The following ATP11A variants were observed in gnomAD, a reference collection of about 807,000 sequenced individuals.
ATP11A encodes phospholipid-transporting ATPase IH.
ATP11A carries 81 observed loss-of-function variants against 154.4 expected under a neutral mutation model. The observed-to-expected ratio is 0.52, with a 90% CI of 0.44 to 0.63. ATP11A has a LOEUF of 0.63. ATP11A is among the 30% of genes least tolerant of loss of function. The pLI is 0.00. For missense variants in ATP11A, 1,316 were observed against 1,474.3 expected (o/e 0.89, Z 1.76); for synonymous variants, 623 against 585.9 (o/e 1.06, Z -0.91).
chr13:112,745,662 A>G (rs1347314031), intron 1 of ATP11A: 1 of 152,228 alleles, frequency 6.6e-6, no homozygotes, highest in Non-Finnish European at 1.5e-5. Flanking sequence ...AGGAAAGCCA[A>G]AAAAACAAAA....
At chr13:112,846,961 T>C (rs1001798076) in intron 17 of ATP11A, among the ~76,000 whole-genome samples, 1 of 152,190 alleles carries the variant, frequency 6.6e-6, no homozygotes, top group Non-Finnish European at 1.5e-5. Flanking sequence ...AATGGCTTGT[T>C]GCTGGCCTCC....
At chr13:112,717,114 C>T (rs1888556153) in intron 1 of ATP11A, among the ~76,000 whole-genome samples, 1 of 152,158 alleles carries the variant, frequency 6.6e-6, no homozygotes, top group Non-Finnish European at 1.5e-5. Flanking sequence ...AAAGAGAAGC[C>T]AGGAGGAGAG....
intron 17 of ATP11A, among the ~76,000 whole-genome samples, chr13:112,846,690 T>C (rs1196525256): frequency 1.3e-5 from 2 of 152,212 alleles, no homozygotes; most frequent in African/African-American, 4.8e-5. Flanking sequence ...CCCTGCGTGA[T>C]GGTGGCCTGT....
Position 112,860,327 on chromosome 13 carries a change from G to GC in ATP11A, c.2769dup (p.Phe924LeufsTer19). On this transcript the variant is annotated frameshift_variant, in exon 24 of 30. Transcript: ENST00000375645. ...GCGTATCTGACCCTCTACAACATCA[G>GC]CTTCACCTCCCTCCCCATCCTCCTG... The GC allele has an allele frequency of 6.2e-7, 1 of 1,614,148 alleles. No homozygotes were observed. The highest frequency in any genetic ancestry group is 8.5e-7 in the Non-Finnish European group (1 of 1,180,042).
At chr13:112,826,602 C>A in intron 11 of ATP11A, 92 bp from the exon 12 acceptor site, 1 of 1,039,412 alleles carries the variant, frequency 9.6e-7, no homozygotes. Flanking sequence ...GCTCGTATAA[C>A]TTATGCCTAA....
rs61740306 is a variant in ATP11A at position 112,854,297 on chromosome 13, A to G, written c.2010A>G (p.Ala670=). 5,451 of 1,614,136 alleles carry G rather than the reference A, an allele frequency of 3.4e-3. 95 individuals carry two copies. In the African/African-American group the frequency reaches 0.05, roughly 15 times the overall value. ...CCCTCAGGCTGCAGGAGAAAGCTGC[A>G]GACACCATCGAGGCCCTGCAGAAGG... The part of the protein sequence containing the change: ...AVEDRLQEKA[A]DTIEALQKAG... The change falls in exon 19 of 30, where the codon GCA becomes GCG. Residue 670 remains alanine, a synonymous_variant. Coordinates refer to ENST00000375645, the MANE Select transcript of ATP11A (RefSeq NM_015205.3).
At chr13:112,784,593 G>T (rs1001519556) in intron 1 of ATP11A, among the ~76,000 whole-genome samples, 3 of 150,008 alleles carry the variant, frequency 2.0e-5, no homozygotes, top group African/African-American at 7.4e-5. Context: ...GTGCTATCTC[G>T]GTCACTGCAA....
At chr13:112,784,056 G>A (rs1176694569) in intron 1 of ATP11A, among the ~76,000 whole-genome samples, 2 of 152,174 alleles carry the variant, frequency 1.3e-5, no homozygotes, top group Non-Finnish European at 2.9e-5. Flanking sequence ...GCCCAGGAAG[G>A]AATTCAAGGG....
intron 1 of ATP11A, among the ~76,000 whole-genome samples, chr13:112,738,335 G>T (rs1025775168): frequency 6.6e-6 from 1 of 151,900 alleles, no homozygotes; most frequent in Non-Finnish European, 1.5e-5. Context: ...ATCACGCCAC[G>T]GCACTCCAAC....
chr13:112,718,865 A>G (rs568666710), intron 1 of ATP11A, among the ~76,000 whole-genome samples: 40 of 152,006 alleles, frequency 2.6e-4, no homozygotes, highest in African/African-American at 9.6e-4. Context: ...TTTTTAGTAG[A>G]GATGGGGTTT....
Position 112,842,340 on chromosome 13 carries a change from A to T in ATP11A, c.1770A>T (p.Lys590Asn). Residue 590 changes from lysine (K) to asparagine (N), a missense_variant, in exon 17 of 30, where the codon AAA becomes AAT. This residue lies in a region of ATP11A where 876 missense variants were observed against 1,006.8 expected (regional missense o/e 0.87). Coordinates refer to ENST00000375645, the MANE Select transcript of ATP11A (RefSeq NM_015205.3). ...SSIFPRVIEG[K>N]VDQIRARVER... ...TATTCCCCCGAGTGATAGAAGGCAAAGTTGACCAGATCCGAGCCAGAGTGG... is the reference window on the plus strand; with the variant it reads ...TATTCCCCCGAGTGATAGAAGGCAATGTTGACCAGATCCGAGCCAGAGTGG... 2 of 1,611,454 alleles carry T rather than the reference A, an allele frequency of 1.2e-6. No individual in the cohort carries two copies. Among genetic ancestry groups the T allele is most frequent in the Non-Finnish European group, 1.7e-6 (2 of 1,178,812 alleles).
chr13:112,776,037 CGGCT>C (rs1244603437), intron 1 of ATP11A, among the ~76,000 whole-genome samples: 5 of 152,170 alleles, frequency 3.3e-5, no homozygotes, highest in African/African-American at 1.2e-4. Context: ...CTCCCTGGCC[CGGCT>C]GGAGTCCCTG....
intron 1 of ATP11A, among the ~76,000 whole-genome samples, chr13:112,749,334 A>G (rs1049029687): frequency 6.6e-6 from 1 of 152,244 alleles, no homozygotes; most frequent in African/African-American, 2.4e-5. Context: ...TAAAAGAATA[A>G]GGGAAACTTT....
At chr13:112,729,792 C>T (rs899185588) in intron 1 of ATP11A, among the ~76,000 whole-genome samples, 1 of 152,250 alleles carries the variant, frequency 6.6e-6, no homozygotes, top group South Asian at 2.1e-4. Flanking sequence ...GATGCTGGCC[C>T]CTCAGCTTGC....
intron 1 of ATP11A, among the ~76,000 whole-genome samples, chr13:112,718,991 T>C (rs1428815554): frequency 1.3e-5 from 2 of 152,138 alleles, no homozygotes; most frequent in East Asian, 3.9e-4. Flanking sequence ...GCTTTTGAAA[T>C]AGGACGTAGG....
chr13:112,806,405 C>T, intron 4 of ATP11A, 112 bp downstream of exon 4: 2 of 781,740 alleles, frequency 2.6e-6, no homozygotes, highest in Non-Finnish European at 4.2e-6. Flanking sequence ...AAAATTCAAC[C>T]AAGTTCTAGA....
intron 2 of ATP11A, among the ~76,000 whole-genome samples, chr13:112,794,811 T>C (rs2140092807): frequency 6.6e-6 from 1 of 151,910 alleles, no homozygotes; most frequent in East Asian, 1.9e-4. Flanking sequence ...GAGGTTGCAG[T>C]GAGCCGAGAT....
Position 112,785,779 on chromosome 13 carries a change from G to A in ATP11A, c.162+522G>A, listed in dbSNP as rs2077610575. 6.6e-6 allele frequency among the ~76,000 whole-genome samples: 1 copy of A among 152,218 alleles called. No homozygotes were observed. Among genetic ancestry groups the A allele is most frequent in the Non-Finnish European group, 1.5e-5 (1 of 68,050 alleles). On this transcript the variant is annotated intron_variant, in intron 2 of 29. Transcript: ENST00000375645. The surrounding 1 kb of genome is among the most constrained non-coding windows in gnomAD (Gnocchi z 4.8). The stretch of plus-strand genomic sequence containing the variant: ...GAGTGCCGCGGTCTAAACGAAGCGT[G>A]TTTCTCTCCATGGACTAGAGCGTGG...
chr13:112,878,287 G>T lies in ATP11A; in HGVS notation c.3398G>T (p.Ser1133Ile). ...FMLSQTSSSL[S>I]F The stretch of plus-strand genomic sequence containing the variant: ...CTTTCTCAGACTTCCAGCAGCCTGA[G>T]TTTCTGATGGAACAAGGTGATGCTC... The change falls in exon 29 of 30, where the codon AGT (serine) becomes ATT (isoleucine). Residue 1133 changes from serine to isoleucine, a missense_variant. This residue lies in a region of ATP11A where 294 missense variants were observed against 290.2 expected (regional missense o/e 1.01). Transcript: ENST00000375645. 6.2e-7 allele frequency: 1 copy of T among 1,614,126 alleles called. No homozygotes were observed. Among genetic ancestry groups the T allele is most frequent in the Non-Finnish European group, 8.5e-7 (1 of 1,180,044 alleles).
Sources: allele counts gnomAD v4.1 joint callset (sites outside exome capture counted in the v4.1 genomes callset), GRCh38; gene constraint gnomAD v4.1.1; regional missense constraint gnomAD v4.1.1; non-coding constraint Gnocchi (gnomAD v3.1); transcripts MANE v1.5; gene names NCBI Gene and HGNC (gene_info 2026-07-23, HGNC 2026-07-21).